Variants in CHSY1 observed in about 807,000 individuals in gnomAD.
The protein encoded by CHSY1 is N-acetylgalactosaminyl-proteoglycan 3-beta-glucuronosyltransferase 1.
Under a neutral mutation model 59.8 loss-of-function variants are expected in CHSY1, and 13 were observed. That is an observed-to-expected ratio of 0.22 (90% CI 0.14 to 0.35). The LOEUF is 0.35. CHSY1 is among the 10% of genes least tolerant of loss of function. CHSY1 has a pLI of 1.00. For synonymous variants in CHSY1, 459 were observed against 401.2 expected (o/e 1.14, Z -1.72); for missense variants, 947 against 1,030.6 (o/e 0.92, Z 1.11).
At chr15:101,192,135 T>G (rs1031287531) in intron 2 of CHSY1, among the ~76,000 whole-genome samples, 1 of 152,190 alleles carries the variant, frequency 6.6e-6, no homozygotes, top group African/African-American at 2.4e-5. Flanking sequence ...ACACACTCAT[T>G]TAATCCTCAC....
At chr15:101,196,672 A>G (rs1488698354) in intron 2 of CHSY1, among the ~76,000 whole-genome samples, 1 of 152,196 alleles carries the variant, frequency 6.6e-6, no homozygotes, top group Non-Finnish European at 1.5e-5. Flanking sequence ...ATTAGCCAAC[A>G]CCAGCAATAA....
intron 2 of CHSY1, among the ~76,000 whole-genome samples, chr15:101,227,485 CA>C (rs1318048995): frequency 1.3e-5 from 2 of 151,668 alleles, no homozygotes; most frequent in Non-Finnish European, 2.9e-5. Flanking sequence ...AACAAACAAA[CA>C]AAAAAACAGG....
rs113754560 is a variant in CHSY1, at chr15:101,241,717, G to A, written c.321-6140C>T. Reference sequence around the variant, plus strand: ...TACATGTGCTGTCTGATGGCTACACGGCAGTCAGTTTAAAAGGACTCATGA... The same window carrying A: ...TACATGTGCTGTCTGATGGCTACACAGCAGTCAGTTTAAAAGGACTCATGA... On this transcript the variant is annotated intron_variant, in intron 1 of 2. Coordinates refer to ENST00000254190, the MANE Select transcript of CHSY1 (RefSeq NM_014918.5). Among the ~76,000 whole-genome samples, 705 of 152,264 alleles carry A rather than the reference G, an allele frequency of 4.6e-3. 5 individuals carry two copies. Among genetic ancestry groups the A allele is most frequent in the African/African-American group, 0.016 (650 of 41,542 alleles).
At chr15:101,212,641 C>T (rs2141261694) in intron 2 of CHSY1, among the ~76,000 whole-genome samples, 1 of 152,322 alleles carries the variant, frequency 6.6e-6, no homozygotes, top group Non-Finnish European at 1.5e-5. Flanking sequence ...GAGGAACTTT[C>T]TGAGGTAAAT....
intron 2 of CHSY1, among the ~76,000 whole-genome samples, chr15:101,190,636 T>G (rs2038430889): frequency 6.6e-6 from 1 of 152,230 alleles, no homozygotes; most frequent in African/African-American, 2.4e-5. Flanking sequence ...TAAAAACTTC[T>G]GCTCTGCAAA....
intron 2 of CHSY1, among the ~76,000 whole-genome samples, chr15:101,198,965 A>G (rs550411972): frequency 1.3e-5 from 2 of 152,218 alleles, no homozygotes; most frequent in South Asian, 4.2e-4. Flanking sequence ...AGCCCCACTT[A>G]CTGGAGGTAA....
chr15:101,211,921 C>CAAA (rs79234555), intron 2 of CHSY1, among the ~76,000 whole-genome samples: 1 of 120,282 alleles, frequency 8.3e-6, no homozygotes, highest in South Asian at 2.6e-4. Context: ...ATATATCATC[C>CAAA]AAAAAAAAAA....
intron 2 of CHSY1, among the ~76,000 whole-genome samples, chr15:101,224,436 AAACAT>A (rs1459562603): frequency 2.6e-5 from 4 of 152,236 alleles, no homozygotes; most frequent in Non-Finnish European, 5.9e-5. Flanking sequence ...CAATTAACAA[AAACAT>A]AACTTCAGTT....
At chr15:101,216,629 G>C (rs943066129) in intron 2 of CHSY1, among the ~76,000 whole-genome samples, 1 of 152,192 alleles carries the variant, frequency 6.6e-6, no homozygotes, top group African/African-American at 2.4e-5. Flanking sequence ...CAGTATGAAA[G>C]AGCTATGTAT....
At chr15:101,223,007 T>G (rs543102144) in intron 2 of CHSY1, among the ~76,000 whole-genome samples, 54 of 152,310 alleles carry the variant, frequency 3.5e-4, no homozygotes, top group African/African-American at 1.3e-3. Context: ...GTTAACTACT[T>G]TATTTGAGAC....
chr15:101,251,404 A>G lies in CHSY1; in HGVS notation c.53T>C (p.Leu18Pro). The G allele has an allele frequency of 8.6e-7, 1 of 1,157,948 alleles. No homozygotes were observed. Among genetic ancestry groups the G allele is most frequent in the Admixed American group, 3.1e-5 (1 of 31,772 alleles). The allele number at this position is 1,157,948 out of a possible 1,614,324, so 71.7% of individuals were successfully genotyped here. A position where few individuals can be genotyped will look rare whatever the true frequency, so the allele number is the denominator to read the frequency against. The change falls in exon 1 of 3, where the codon CTG becomes CCG. Residue 18 changes from leucine to proline, a missense_variant. Transcript: ENST00000254190. ...GAGCCGCGAGGCCAGCACGAAGCCC[A>G]GGACGAGCCCGAGCAGCACGCTGAG... ...AWLSVLLGLVLGFVLASRLVL... is the reference protein window; with the variant it reads ...AWLSVLLGLVPGFVLASRLVL...
intron 2 of CHSY1, among the ~76,000 whole-genome samples, chr15:101,183,412 C>T (rs1596424701): frequency 6.6e-6 from 1 of 152,154 alleles, no homozygotes; most frequent in Non-Finnish European, 1.5e-5. Context: ...ACACAGATAA[C>T]ACCACTGGGA....
chr15:101,183,705 G>A (rs545988349), intron 2 of CHSY1, among the ~76,000 whole-genome samples: 10 of 152,350 alleles, frequency 6.6e-5, no homozygotes, highest in Admixed American at 5.2e-4. Context: ...CAGCAGCTGC[G>A]GGAACACGTG....
intron 2 of CHSY1, among the ~76,000 whole-genome samples, chr15:101,195,687 TG>T (rs2038497076): frequency 6.6e-6 from 1 of 151,652 alleles, no homozygotes; most frequent in Non-Finnish European, 1.5e-5. Flanking sequence ...TAACCGGGCG[TG>T]GTGGCGGGTG....
Position 101,177,364 on chromosome 15 carries a change from C to T in CHSY1, c.*24G>A, listed in dbSNP as rs763023648. On this transcript the variant is annotated 3_prime_UTR_variant, in exon 3 of 3. Transcript: ENST00000254190. ...GAAAAATAAATTAGATAATTAAAAA[C>T]GTCTTTTCCAGCAAAGCTGGACATT... 1.4e-5 allele frequency: 23 copies of T among 1,591,894 alleles called. No homozygotes were observed. Among genetic ancestry groups the T allele is most frequent in the Middle Eastern group, 1.7e-4 (1 of 5,940 alleles).
At chr15:101,237,684 T>C (rs2038960717) in intron 1 of CHSY1, among the ~76,000 whole-genome samples, 1 of 152,254 alleles carries the variant, frequency 6.6e-6, no homozygotes, top group Non-Finnish European at 1.5e-5. Flanking sequence ...CTGCTTCTGC[T>C]GAGCAGCTAA....
At chr15:101,195,343 A>G (rs769561514) in intron 2 of CHSY1, among the ~76,000 whole-genome samples, 6 of 152,262 alleles carry the variant, frequency 3.9e-5, no homozygotes, top group Non-Finnish European at 8.8e-5. Context: ...TAACAACATT[A>G]ACTGCTAAAT....
chr15:101,215,607 T>C (rs924921917), intron 2 of CHSY1, among the ~76,000 whole-genome samples: 1 of 152,186 alleles, frequency 6.6e-6, no homozygotes, highest in Non-Finnish European at 1.5e-5. Flanking sequence ...TGGTAGTGCA[T>C]GCCTGTAGTC....
chr15:101,249,699 G>A, intron 1 of CHSY1, among the ~76,000 whole-genome samples: 1 of 152,020 alleles, frequency 6.6e-6, no homozygotes, highest in East Asian at 1.9e-4. Flanking sequence ...CTCTTGAGTA[G>A]AGACGGGGTT....
Sources: allele counts gnomAD v4.1 joint callset (sites outside exome capture counted in the v4.1 genomes callset), GRCh38; gene constraint gnomAD v4.1.1; transcripts MANE v1.5; gene names NCBI Gene and HGNC (gene_info 2026-07-23, HGNC 2026-07-21).